GRAMD1B: variants seen among roughly 807,000 people sequenced by gnomAD.
GRAMD1B encodes the protein protein Aster-B.
A neutral mutation model predicts 99.7 loss-of-function variants in GRAMD1B; 37 were observed. The observed-to-expected ratio is 0.37, with a 90% CI of 0.29 to 0.49. The LOEUF (loss-of-function observed/expected upper bound fraction) is 0.49. Among genes scored for constraint, GRAMD1B ranks in the 20% least tolerant of loss-of-function variants. The pLI is 0.98. For missense variants in GRAMD1B, 888 were observed against 1,009.2 expected, an observed-to-expected ratio of 0.88 and a Z score of 1.63; for synonymous variants, 427 against 387.6, an observed-to-expected ratio of 1.10 and a Z score of -1.19.
chr11:123,611,324 C>G (rs1953528164), intron 14 of GRAMD1B, among the ~76,000 whole-genome samples: 2 of 152,012 alleles, frequency 1.3e-5, no homozygotes, highest in Admixed American at 1.3e-4. Flanking sequence ...GTCCCAGCTA[C>G]TCGGGAGGCT....
At chr11:123,612,495 T>C (rs936131227) in intron 14 of GRAMD1B, among the ~76,000 whole-genome samples, 2 of 151,866 alleles carry the variant, frequency 1.3e-5, no homozygotes, top group Non-Finnish European at 2.9e-5. Context: ...TGTGCCATCA[T>C]AAGAGAACTC....
At chr11:123,505,790 G>A (rs571602705) in intron 2 of GRAMD1B, among the ~76,000 whole-genome samples, 2 of 152,168 alleles carry the variant, frequency 1.3e-5, no homozygotes, top group East Asian at 1.9e-4. Flanking sequence ...ACATCCTTAT[G>A]GGAACACAGA....
chr11:123,360,369 T>C (rs1419773189), intron 1 of GRAMD1B, among the ~76,000 whole-genome samples: 1 of 152,144 alleles, frequency 6.6e-6, no homozygotes, highest in Non-Finnish European at 1.5e-5. Flanking sequence ...TACAGCGAGG[T>C]TTCTAGTGTT....
chr11:123,367,663 T>A (rs753678299), intron 1 of GRAMD1B, among the ~76,000 whole-genome samples: 15 of 152,042 alleles, frequency 9.9e-5, no homozygotes, highest in Non-Finnish European at 2.1e-4. Context: ...TTATGCAGCT[T>A]GTAGTTAACT....
At chr11:123,449,714 C>CTTTTTTTTCT in intron 1 of GRAMD1B, among the ~76,000 whole-genome samples, 1 of 99,974 alleles carries the variant, frequency 1.0e-5, no homozygotes, top group African/African-American at 3.9e-5. Flanking sequence ...CCATGCCTGG[C>CTTTTTTTTCT]TTTTTTTTTT....
intron 1 of GRAMD1B, among the ~76,000 whole-genome samples, chr11:123,439,029 C>G (rs1029591464): frequency 2.6e-5 from 4 of 152,106 alleles, no homozygotes; most frequent in Admixed American, 1.3e-4. Flanking sequence ...GGCATTTGCC[C>G]CAATGGGATT....
chr11:123,376,030 C>T lies in GRAMD1B; in HGVS notation c.-176+17231C>T, dbSNP rs536552004. 1.4e-4 allele frequency among the ~76,000 whole-genome samples: 21 copies of T among 152,092 alleles called. No homozygotes were observed. In the South Asian group the frequency reaches 3.1e-3, roughly 23 times the overall value. On this transcript the variant is annotated intron_variant, in intron 1 of 20. Transcript: ENST00000638157. ...TTTGGTCAGCAGCCTCTTCTCTTAA[C>T]TTCACAGTTACGCACACTTGGCTGG...
In GRAMD1B at chr11:123,580,923, A is replaced by C. The variant is rs1449828743; in HGVS notation, c.663+3346A>C. On this transcript the variant is annotated intron_variant, in intron 3 of 19. Transcript: ENST00000635736. Reference sequence around the variant, plus strand: ...TTCCTTTTTTTTTTTTTTCAAATCTAATTTTTGTGGTTTTCTTTCCAGTAT... The same window carrying C: ...TTCCTTTTTTTTTTTTTTCAAATCTCATTTTTGTGGTTTTCTTTCCAGTAT... 2.1e-5 allele frequency among the ~76,000 whole-genome samples: 3 copies of C among 144,306 alleles called. No homozygotes were observed. In the East Asian group the frequency reaches 6.1e-4, roughly 29 times the overall value. The allele number at this position is 144,306 out of a possible 152,430, so 94.7% of individuals were successfully genotyped here.
rs1399794477 is a variant in GRAMD1B at position 123,613,599 on chromosome 11, T to G, written c.2168T>G (p.Met723Arg). The part of the protein sequence containing the change: ...HLRVPHLEEV[M>R]SPVTTPTDED... ...CGAGTCCCTCACCTGGAAGAGGTGA[T>G]GAGCCCGGTCACCACGCCCACAGAT... The change falls in exon 16 of 20, where the codon ATG becomes AGG. Residue 723 changes from methionine to arginine, a missense_variant. Around this residue, in one of 5 missense-constraint regions of GRAMD1B, gnomAD observed 232 missense variants for 261.7 expected, o/e 0.89. Transcript: ENST00000635736. 1.2e-6 allele frequency: 2 copies of G among 1,613,746 alleles called. No homozygotes were observed. Among genetic ancestry groups the G allele is most frequent in the Admixed American group, 3.3e-5 (2 of 60,022 alleles).
intron 1 of GRAMD1B, among the ~76,000 whole-genome samples, chr11:123,462,068 G>A (rs890119740): frequency 3.3e-5 from 5 of 150,086 alleles, no homozygotes; most frequent in African/African-American, 4.9e-5. Flanking sequence ...CTGGGTTCAC[G>A]CCATTCTCCT....
At chr11:123,418,004 G>T (rs1948291166) in intron 1 of GRAMD1B, among the ~76,000 whole-genome samples, 1 of 151,998 alleles carries the variant, frequency 6.6e-6, no homozygotes, top group African/African-American at 2.4e-5. Context: ...TCCTCAAGCA[G>T]CCCTCCCACC....
chr11:123,550,647 G>A (rs1445672118), intron 2 of GRAMD1B, among the ~76,000 whole-genome samples: 1 of 152,142 alleles, frequency 6.6e-6, no homozygotes, highest in Non-Finnish European at 1.5e-5. Context: ...TTTTAAGGAC[G>A]ACATGTCAGC....
intron 1 of GRAMD1B, among the ~76,000 whole-genome samples, chr11:123,384,779 C>G (rs745834838): frequency 6.6e-6 from 1 of 152,180 alleles, no homozygotes; most frequent in Non-Finnish European, 1.5e-5. Flanking sequence ...TTTCTTTGGA[C>G]TCTAGATCAT....
intron 1 of GRAMD1B, among the ~76,000 whole-genome samples, chr11:123,456,634 G>C (rs1485522375): frequency 6.6e-6 from 1 of 151,780 alleles, no homozygotes; most frequent in Non-Finnish European, 1.5e-5. Flanking sequence ...AAATAACCAG[G>C]TGTGGCCAGG....
intron 1 of GRAMD1B, among the ~76,000 whole-genome samples, chr11:123,467,550 G>A (rs1365106698): frequency 2.6e-5 from 4 of 152,000 alleles, no homozygotes; most frequent in East Asian, 3.9e-4. Context: ...ACTTTGACAC[G>A]GGGGCAGGAA....
In GRAMD1B at chr11:123,581,283, A is replaced by T. The variant is rs192516478; in HGVS notation, c.664-3029A>T. ...CCATGTGTTTATAAGCTGTCAGAGA[A>T]GGCTCCACTGCTGCTCCCTGGTTCT... On this transcript the variant is annotated intron_variant, in intron 3 of 19. Coordinates refer to ENST00000635736, the MANE Select transcript of GRAMD1B (RefSeq NM_001387025.1). Among the ~76,000 whole-genome samples the T allele has an allele frequency of 3.9e-5, 6 of 152,298 alleles. No individual in the cohort carries two copies. The East Asian group carries it at 9.6e-4, about 24-fold the overall frequency.
chr11:123,541,055 C>T (rs1453924181), intron 2 of GRAMD1B, among the ~76,000 whole-genome samples: 1 of 152,026 alleles, frequency 6.6e-6, no homozygotes, highest in Non-Finnish European at 1.5e-5. Flanking sequence ...CTCATCGCAA[C>T]CTCCGCCTCC....
chr11:123,522,196 G>A (rs1051296928), intron 2 of GRAMD1B, among the ~76,000 whole-genome samples: 3 of 152,188 alleles, frequency 2.0e-5, no homozygotes, highest in African/African-American at 4.8e-5. Context: ...ACTGCTTTCC[G>A]TGAGAAGATA....
chr11:123,509,229 T>C (rs1458547328), intron 2 of GRAMD1B, among the ~76,000 whole-genome samples: 1 of 152,214 alleles, frequency 6.6e-6, no homozygotes, highest in African/African-American at 2.4e-5. Flanking sequence ...AGTTTCCTCA[T>C]CTGCAAAATG....
Sources: gnomAD v4.1 joint callset for allele counts (sites outside exome capture counted in the v4.1 genomes callset) on GRCh38, gnomAD v4.1.1 for gene constraint, gnomAD v4.1.1 regional missense constraint, MANE v1.5 for transcripts, NCBI Gene and HGNC (gene_info 2026-07-23, HGNC 2026-07-21) for gene names.